MTMR4: variants seen among roughly 807,000 people sequenced by gnomAD.
The protein encoded by MTMR4 is phosphatidylinositol-3,5-bisphosphate 3-phosphatase MTMR4.
In MTMR4, 30 loss-of-function variants were observed where a neutral mutation model predicts 125.5. That is an observed-to-expected ratio of 0.24 (90% CI 0.18 to 0.32). MTMR4 has a LOEUF of 0.32. MTMR4 is among the 10% of genes least tolerant of loss of function. The probability of loss-of-function intolerance (pLI) is 1.00; values close to 1 mark genes in which losing one functional copy is unlikely to be tolerated. For synonymous variants in MTMR4, 498 were observed against 564.5 expected (o/e 0.88, Z 1.67); for missense variants, 1,039 against 1,511.5 (o/e 0.69, Z 5.18).
At position 58,490,207 on chromosome 17, in the gene MTMR4, GA is replaced by G. The variant is rs1359045888; in HGVS notation, c.*1455del. ...GAAAGCAACATGAAAGTAGCAGTAAGAAAGATGACTACCATCATTTCAAAAC... is the reference window on the plus strand; with the variant it reads ...GAAAGCAACATGAAAGTAGCAGTAAGAAGATGACTACCATCATTTCAAAAC... On this transcript the variant is annotated 3_prime_UTR_variant, in exon 18 of 18. Transcript: ENST00000682306. The G allele has an allele frequency of 6.6e-6, 1 of 152,366 alleles. No homozygotes were observed. Among genetic ancestry groups the G allele is most frequent in the Non-Finnish European group, 1.5e-5 (1 of 68,040 alleles). 9.4% of individuals were successfully genotyped at this position (152,366 alleles called of 1,614,324 possible).
intron 10 of MTMR4, 91 bp from the exon 11 acceptor site, chr17:58,505,065 TC>T: frequency 7.7e-7 from 1 of 1,293,250 alleles, no homozygotes. Flanking sequence ...CCCAACAAAG[TC>T]CCCATTGAGA....
At position 58,491,615 on chromosome 17, in the gene MTMR4, G is replaced by A. The variant is rs2143830359; in HGVS notation, c.*48C>T. Reference sequence around the variant, plus strand: ...AACCTTCCAAACTACAACTGAAGAAGATCCTCCCTTCAAACCTGCTAAAAT... The same window carrying A: ...AACCTTCCAAACTACAACTGAAGAAAATCCTCCCTTCAAACCTGCTAAAAT... On this transcript the variant is annotated 3_prime_UTR_variant, in exon 18 of 18. Transcript: ENST00000682306. 1 of 1,565,590 alleles carries A rather than the reference G, an allele frequency of 6.4e-7. No individual in the cohort carries two copies. Among genetic ancestry groups the A allele is most frequent in the East Asian group, 2.3e-5 (1 of 43,914 alleles).
At chr17:58,518,897 T>C (rs2042068040), upstream of MTMR4, among the ~76,000 whole-genome samples, 1 of 152,178 alleles carries the variant, frequency 6.6e-6, no homozygotes, top group Non-Finnish European at 1.5e-5. Context: ...TCCTCACCCA[T>C]CTTTGTTTAT....
At chr17:58,515,701 G>A (rs779002135), upstream of MTMR4, among the ~76,000 whole-genome samples, 3 of 152,216 alleles carry the variant, frequency 2.0e-5, no homozygotes, top group Admixed American at 2.0e-4. Context: ...GGAGCTATCT[G>A]TTGGTGGGGG....
intron 14 of MTMR4, among the ~76,000 whole-genome samples, chr17:58,503,114 T>A (rs1362292863): frequency 6.6e-6 from 1 of 152,174 alleles, no homozygotes; most frequent in African/African-American, 2.4e-5. Context: ...AAGCTCCCCA[T>A]GCCCTGTACC....
At position 58,491,123 on chromosome 17, in the gene MTMR4, C is replaced by T. The variant is rs1975303383; in HGVS notation, c.*540G>A. The T allele has an allele frequency of 2.0e-5, 3 of 152,722 alleles. No individual in the cohort carries two copies. Among genetic ancestry groups the T allele is most frequent in the Non-Finnish European group, 4.4e-5 (3 of 68,110 alleles). The allele number at this position is 152,722 out of a possible 1,614,324, so 9.5% of individuals were successfully genotyped here. On this transcript the variant is annotated 3_prime_UTR_variant, in exon 18 of 18. Transcript: ENST00000682306. ...GAGCCAGTCTTCAAACCAAACTCCA[C>T]AGAAAGACAGTACTAATGCAACTAG...
rs535180484 is a variant in MTMR4, at chr17:58,492,320, C to T, written c.3452+191G>A. Among the ~76,000 whole-genome samples the T allele has an allele frequency of 3.9e-5, 6 of 152,234 alleles. No individual in the cohort carries two copies. The South Asian group carries it at 1.2e-3, about 32-fold the overall frequency. ...CAGAGTAGCTGGGATTACAGGCATG[C>T]GCCACCACGCCCAGCTAATTTTTGT... is the stretch of plus-strand genomic sequence containing the variant. On this transcript the variant is annotated intron_variant, in intron 17 of 17. Transcript: ENST00000682306.
In MTMR4 at chr17:58,514,447, C is replaced by G; in HGVS notation, c.-40G>C. ...TGGGCCAGCGCACATGTCCCCGGAG[C>G]CGCTGCGCTGCCCGCCAGCCCCGGG... is the stretch of plus-strand genomic sequence containing the variant. On this transcript the variant is annotated 5_prime_UTR_variant, in exon 1 of 18. Transcript: ENST00000682306. The G allele has an allele frequency of 3.0e-6, 3 of 985,298 alleles. No individual in the cohort carries two copies. The highest frequency in any genetic ancestry group is 3.6e-6 in the Non-Finnish European group (3 of 829,682). The allele number at this position is 985,298 out of a possible 1,614,324, so 61.0% of individuals were successfully genotyped here. A position where few individuals can be genotyped will look rare whatever the true frequency, so the allele number is the denominator to read the frequency against.
Position 58,491,193 on chromosome 17 carries a change from C to CA in MTMR4, c.*469dup, listed in dbSNP as rs762423453. ...TGAGCCTTCATGCAGACACAGAGCA[C>CA]AGAGGTACAGGATATAGTTCATCTC... On this transcript the variant is annotated 3_prime_UTR_variant, in exon 18 of 18. Coordinates refer to ENST00000682306, the MANE Select transcript of MTMR4 (RefSeq NM_001378067.1). The CA allele has an allele frequency of 6.5e-6, 1 of 152,918 alleles. No homozygotes were observed. Among genetic ancestry groups the CA allele is most frequent in the Non-Finnish European group, 1.5e-5 (1 of 68,264 alleles). The allele number at this position is 152,918 out of a possible 1,614,324, so 9.5% of individuals were successfully genotyped here.
Position 58,495,370 on chromosome 17 carries a change from A to G in MTMR4, c.2814T>C (p.Pro938=). Reference sequence around the variant, plus strand: ...AACAGCCATAGGAAAGCAGCCGCCGAGGGGTGGCCTCCCCACTTGGGAATG... The same window carrying G: ...AACAGCCATAGGAAAGCAGCCGCCGGGGGGTGGCCTCCCCACTTGGGAATG... ...VTSFPSGEAT[P]RRLLSYGCCS... Residue 938 remains proline, a synonymous_variant, in exon 15 of 18, where the codon CCT becomes CCC. Coordinates refer to ENST00000682306, the MANE Select transcript of MTMR4 (RefSeq NM_001378067.1). 6.2e-7 allele frequency: 1 copy of G among 1,614,200 alleles called. No homozygotes were observed. Among genetic ancestry groups the G allele is most frequent in the Non-Finnish European group, 8.5e-7 (1 of 1,180,044 alleles).
At chr17:58,505,347 C>G in intron 10 of MTMR4, 125 bp downstream of exon 10, 1 of 786,904 alleles carries the variant, frequency 1.3e-6, no homozygotes, top group Non-Finnish European at 2.1e-6. Flanking sequence ...CCACGGCACC[C>G]AACTCCACCC....
chr17:58,511,627 G>T, intron 3 of MTMR4, 116 bp from the exon 4 acceptor site: 1 of 790,172 alleles, frequency 1.3e-6, no homozygotes, highest in Non-Finnish European at 2.1e-6. Context: ...ATTTACTGAG[G>T]GTCTGTTAAG....
At chr17:58,500,222 G>A (rs1975584207) in intron 14 of MTMR4, among the ~76,000 whole-genome samples, 1 of 152,120 alleles carries the variant, frequency 6.6e-6, no homozygotes. Context: ...AACCTGCTGG[G>A]AGCAAACAAT....
At chr17:58,497,478 A>G (rs180842072) in intron 14 of MTMR4, among the ~76,000 whole-genome samples, 23 of 152,312 alleles carry the variant, frequency 1.5e-4, no homozygotes, top group South Asian at 4.1e-4. Context: ...TCCCTCATCT[A>G]TGGAATAAAG....
At chr17:58,494,387 C>A (rs1319057745) in intron 15 of MTMR4, among the ~76,000 whole-genome samples, 2 of 150,942 alleles carry the variant, frequency 1.3e-5, no homozygotes, top group Admixed American at 6.6e-5. Flanking sequence ...CAACTCTGAT[C>A]ATATTGTGCA....
In MTMR4 at chr17:58,508,800, G is replaced by A; in HGVS notation, c.377C>T (p.Ser126Leu). The A allele has an allele frequency of 3.7e-6, 6 of 1,614,164 alleles. No homozygotes were observed. Among genetic ancestry groups the A allele is most frequent in the Non-Finnish European group, 5.1e-6 (6 of 1,180,034 alleles). Residue 126 changes from serine (S) to leucine (L), a missense_variant, in exon 5 of 18, where the codon TCA becomes TTA. Coordinates refer to ENST00000682306, the MANE Select transcript of MTMR4 (RefSeq NM_001378067.1). This position sits in a 1 kb window ranked among gnomAD's most constrained non-coding sequence, Gnocchi z 4.8. ...TCTTGCTGTGGCTCGGCTTAGCCGT[G>A]AGAGCCACTCTTGGCACTGCTTAAA... Reference protein sequence around the residue: ...STFKQCQEWLSRLSRATARPA... With the variant: ...STFKQCQEWLLRLSRATARPA...
At chr17:58,503,183 G>C (rs189625236) in intron 14 of MTMR4, among the ~76,000 whole-genome samples, 1 of 152,074 alleles carries the variant, frequency 6.6e-6, no homozygotes, top group African/African-American at 2.4e-5. Flanking sequence ...TTTCTGTTTT[G>C]TTCTCTCCCC....
At chr17:58,498,289 A>G (rs1286035305) in intron 14 of MTMR4, among the ~76,000 whole-genome samples, 4 of 151,866 alleles carry the variant, frequency 2.6e-5, no homozygotes, top group Admixed American at 2.6e-4. Flanking sequence ...TCTTCATCCA[A>G]ATTCAAATAA....
chr17:58,513,270 C>T (rs1403184896), intron 1 of MTMR4, among the ~76,000 whole-genome samples: 1 of 152,152 alleles, frequency 6.6e-6, no homozygotes, highest in Non-Finnish European at 1.5e-5. Flanking sequence ...TTCCCTTAGA[C>T]CCGCATAAGG....
Sources: allele counts gnomAD v4.1 joint callset (sites outside exome capture counted in the v4.1 genomes callset), GRCh38; gene constraint gnomAD v4.1.1; non-coding constraint Gnocchi (gnomAD v3.1); transcripts MANE v1.5; gene names NCBI Gene and HGNC (gene_info 2026-07-23, HGNC 2026-07-21).